PRKG1: variants seen among roughly 807,000 people sequenced by gnomAD.
PRKG1 encodes the protein cGMP-dependent protein kinase 1.
Under a neutral mutation model 88.1 loss-of-function variants are expected in PRKG1, and 35 were observed. The observed-to-expected ratio is 0.40, with a 90% CI of 0.30 to 0.53. The LOEUF (loss-of-function observed/expected upper bound fraction) is 0.53, where lower values mean the gene tolerates loss of function less well. Among genes scored for constraint, PRKG1 ranks in the 20% least tolerant of loss-of-function variants. The pLI is 0.59. For synonymous variants in PRKG1, 303 were observed against 292.5 expected (o/e 1.04, Z -0.37); for missense variants, 540 against 839.8 (o/e 0.64, Z 4.41).
intron 5 of PRKG1, among the ~76,000 whole-genome samples, chr10:51,996,104 A>G (rs1026537811): frequency 6.6e-6 from 1 of 151,914 alleles, no homozygotes; most frequent in Non-Finnish European, 1.5e-5. Flanking sequence ...CGAGGTCAGG[A>G]GTTTGAGACC....
chr10:52,054,705 C>CA, intron 6 of PRKG1, 144 bp downstream of exon 6: 3 of 593,904 alleles, frequency 5.1e-6, no homozygotes, highest in Non-Finnish European at 8.5e-6. Context: ...ATGGATCTTA[C>CA]AAAAAATGAT....
chr10:52,162,929 T>C (rs1209616261), intron 9 of PRKG1, among the ~76,000 whole-genome samples: 1 of 152,172 alleles, frequency 6.6e-6, no homozygotes, highest in African/African-American at 2.4e-5. Flanking sequence ...AGGCCAGTTG[T>C]AACACCAGGC....
chr10:51,507,851 C>T (rs978373431), intron 3 of PRKG1, among the ~76,000 whole-genome samples: 1 of 152,130 alleles, frequency 6.6e-6, no homozygotes, highest in Admixed American at 6.6e-5. Context: ...GTTTCCATGT[C>T]TATAGCTTAC....
chr10:51,178,661 G>T (rs1837264897), intron 2 of PRKG1, among the ~76,000 whole-genome samples: 2 of 152,066 alleles, frequency 1.3e-5, no homozygotes, highest in South Asian at 4.1e-4. Flanking sequence ...GGTATTAAAT[G>T]TAAATATCCC....
chr10:51,727,970 T>C (rs1842175979), intron 3 of PRKG1, among the ~76,000 whole-genome samples: 1 of 152,186 alleles, frequency 6.6e-6, no homozygotes, highest in African/African-American at 2.4e-5. Flanking sequence ...ATGAGAGTTG[T>C]CTTCCCTGCA....
intron 9 of PRKG1, among the ~76,000 whole-genome samples, chr10:52,179,823 G>T (rs887790767): frequency 6.6e-6 from 1 of 152,116 alleles, no homozygotes; most frequent in Non-Finnish European, 1.5e-5. Flanking sequence ...CAAGTAGCTG[G>T]GATTACAGGC....
At chr10:52,000,220 A>G (rs1844559530) in intron 5 of PRKG1, among the ~76,000 whole-genome samples, 1 of 152,090 alleles carries the variant, frequency 6.6e-6, no homozygotes, top group South Asian at 2.1e-4. Flanking sequence ...ATGATAGGAC[A>G]TTAGAAGGCA....
chr10:51,473,436 G>A (rs1211951561), intron 3 of PRKG1, among the ~76,000 whole-genome samples: 2 of 151,724 alleles, frequency 1.3e-5, no homozygotes, highest in South Asian at 2.1e-4. Flanking sequence ...TACAATCAAA[G>A]TGTATTTATA....
At chr10:52,243,137 A>G (rs1220794985) in intron 9 of PRKG1, among the ~76,000 whole-genome samples, 1 of 152,118 alleles carries the variant, frequency 6.6e-6, no homozygotes, top group African/African-American at 2.4e-5. Flanking sequence ...TTTGGCCTTT[A>G]ATTTTATTGG....
intron 2 of PRKG1, among the ~76,000 whole-genome samples, chr10:51,406,878 A>G (rs1282326807): frequency 6.6e-6 from 1 of 152,240 alleles, no homozygotes; most frequent in Admixed American, 6.5e-5. Flanking sequence ...AACTCACACG[A>G]TCAGAAGGTC....
At chr10:51,108,153 T>G (rs1844893085) in intron 1 of PRKG1, among the ~76,000 whole-genome samples, 1 of 152,126 alleles carries the variant, frequency 6.6e-6, no homozygotes, top group African/African-American at 2.4e-5. Context: ...AGGGCTTCAC[T>G]GGTACATTCT....
chr10:51,729,781 A>C (rs939794581), intron 3 of PRKG1, among the ~76,000 whole-genome samples: 15 of 151,778 alleles, frequency 9.9e-5, no homozygotes, highest in East Asian at 1.9e-4. Context: ...TTCAAACTAC[A>C]TCATCAGCTA....
At chr10:52,292,622 A>G (rs1589764850) in intron 17 of PRKG1, among the ~76,000 whole-genome samples, 1 of 152,166 alleles carries the variant, frequency 6.6e-6, no homozygotes, top group East Asian at 1.9e-4. Context: ...ATTGATCTAT[A>G]TCTCTGTTTT....
chr10:51,030,323 TG>T (rs1843267165), intron 1 of PRKG1, among the ~76,000 whole-genome samples: 1 of 152,164 alleles, frequency 6.6e-6, no homozygotes, highest in Non-Finnish European at 1.5e-5. Context: ...TCTAAATATG[TG>T]AATCATTGTC....
intron 7 of PRKG1, among the ~76,000 whole-genome samples, chr10:52,072,895 A>G (rs1327723105): frequency 6.6e-6 from 1 of 152,162 alleles, no homozygotes; most frequent in Non-Finnish European, 1.5e-5. Context: ...ATGACAAAGT[A>G]TTTGTATTAA....
chr10:51,717,316 C>G (rs1054858584), intron 3 of PRKG1, among the ~76,000 whole-genome samples: 6 of 152,100 alleles, frequency 3.9e-5, no homozygotes, highest in Admixed American at 3.9e-4. Flanking sequence ...AGTTTGGGAA[C>G]TGTTTGGGAA....
chr10:51,494,835 A>G (rs1052467638), intron 3 of PRKG1, among the ~76,000 whole-genome samples: 1 of 152,042 alleles, frequency 6.6e-6, no homozygotes, highest in Non-Finnish European at 1.5e-5. Context: ...TTATTATGCT[A>G]TTTATTCTGT....
chr10:52,195,260 A>G (rs1234346567), intron 9 of PRKG1, among the ~76,000 whole-genome samples: 1 of 151,970 alleles, frequency 6.6e-6, no homozygotes, highest in Non-Finnish European at 1.5e-5. Context: ...TAGCTCGAAT[A>G]ATATTAGTTT....
chr10:51,944,520 T>G (rs1842981847), intron 5 of PRKG1, among the ~76,000 whole-genome samples: 1 of 152,086 alleles, frequency 6.6e-6, no homozygotes, highest in East Asian at 1.9e-4. Flanking sequence ...TTGCTCTTAC[T>G]TTTCTAGTTC....
Sources: allele counts gnomAD v4.1 joint callset (sites outside exome capture counted in the v4.1 genomes callset), GRCh38; gene constraint gnomAD v4.1.1; transcripts MANE v1.5; gene names NCBI Gene and HGNC (gene_info 2026-07-23, HGNC 2026-07-21).